MEMO1: variants seen among roughly 807,000 people sequenced by gnomAD.
MEMO1 encodes mediator of cell motility 1.
Under a neutral mutation model 45.2 loss-of-function variants are expected in MEMO1, and 6 were observed. The observed-to-expected ratio is 0.13, with a 90% CI of 0.07 to 0.26. MEMO1 has a LOEUF of 0.26. Ranked by LOEUF, MEMO1 falls within the 10% of genes least tolerant of loss-of-function variation. MEMO1 has a pLI of 1.00. For missense variants in MEMO1, 184 were observed against 370.5 expected (o/e 0.50, Z 4.13); for synonymous variants, 78 against 124.3 (o/e 0.63, Z 2.48).
At chr2:31,946,431 A>C (rs1388352745) in intron 2 of MEMO1, among the ~76,000 whole-genome samples, 1 of 152,242 alleles carries the variant, frequency 6.6e-6, no homozygotes. Context: ...GTTCATCTTA[A>C]AATTTGAATT....
intron 2 of MEMO1, among the ~76,000 whole-genome samples, chr2:32,003,934 T>C (rs1011466809): frequency 6.6e-6 from 1 of 152,150 alleles, no homozygotes; most frequent in African/African-American, 2.4e-5. Flanking sequence ...ACATCTGTAG[T>C]TAGCTACTCA....
At chr2:31,994,372 GTAATC>G (rs746936450) in intron 2 of MEMO1, among the ~76,000 whole-genome samples, 3 of 151,568 alleles carry the variant, frequency 2.0e-5, no homozygotes, top group Non-Finnish European at 4.4e-5. Context: ...GCTCACACCT[GTAATC>G]CCAGCACTTT....
At chr2:31,983,250 G>T (rs1386685706) in intron 2 of MEMO1, among the ~76,000 whole-genome samples, 1 of 152,020 alleles carries the variant, frequency 6.6e-6, no homozygotes, top group African/African-American at 2.4e-5. Flanking sequence ...AACAGAGCAA[G>T]ACTCTGCCTA....
chr2:31,996,692 AT>A (rs1246507191), intron 2 of MEMO1, among the ~76,000 whole-genome samples: 2 of 152,178 alleles, frequency 1.3e-5, no homozygotes, highest in Non-Finnish European at 2.9e-5. Context: ...ACTTAATCTA[AT>A]TAACATTTAT....
intron 2 of MEMO1, among the ~76,000 whole-genome samples, chr2:31,990,747 G>A (rs957338485): frequency 6.6e-6 from 1 of 151,752 alleles, no homozygotes; most frequent in Non-Finnish European, 1.5e-5. Context: ...TTTAGTTTCT[G>A]ATTTGATATC....
chr2:31,923,089 C>G (rs1430213568), intron 4 of MEMO1, among the ~76,000 whole-genome samples: 1 of 152,042 alleles, frequency 6.6e-6, no homozygotes, highest in Non-Finnish European at 1.5e-5. Flanking sequence ...ACACTCCTAC[C>G]AACAATGTAT....
intron 4 of MEMO1, among the ~76,000 whole-genome samples, chr2:31,925,336 C>T (rs1399607330): frequency 2.6e-5 from 4 of 151,804 alleles, no homozygotes; most frequent in African/African-American, 9.7e-5. Flanking sequence ...ATTAGCCAGG[C>T]GTGGTGGCAC....
At chr2:31,996,646 C>A (rs1343204953) in intron 2 of MEMO1, among the ~76,000 whole-genome samples, 1 of 152,126 alleles carries the variant, frequency 6.6e-6, no homozygotes, top group East Asian at 1.9e-4. Context: ...AAAAGAAAAT[C>A]AATAGGAATA....
At chr2:31,909,986 C>T (rs190134645) in intron 6 of MEMO1, among the ~76,000 whole-genome samples, 1 of 151,774 alleles carries the variant, frequency 6.6e-6, no homozygotes, top group Admixed American at 6.6e-5. Context: ...TGAAAGAAAC[C>T]AGAGGACAAA....
intron 4 of MEMO1, among the ~76,000 whole-genome samples, 192 bp from the exon 5 acceptor site, chr2:31,921,102 G>C (rs1682257329): frequency 6.6e-6 from 1 of 152,118 alleles, no homozygotes; most frequent in Non-Finnish European, 1.5e-5. Flanking sequence ...AGACTGTAGT[G>C]CTATTTAGAG....
intron 2 of MEMO1, among the ~76,000 whole-genome samples, chr2:31,952,855 A>T (rs1266261146): frequency 6.6e-6 from 1 of 152,198 alleles, no homozygotes; most frequent in Non-Finnish European, 1.5e-5. Context: ...ATGATATATA[A>T]TTCTGGAGCC....
intron 2 of MEMO1, among the ~76,000 whole-genome samples, chr2:31,963,668 A>G (rs1054992625): frequency 6.6e-6 from 1 of 152,196 alleles, no homozygotes. Flanking sequence ...ACCACTTTGC[A>G]AGCCCTAATA....
rs70964738 is a variant in MEMO1, at chr2:31,901,374, C to CAAAA, written c.438-9244_438-9241dup. Among the ~76,000 whole-genome samples the CAAAA allele has an allele frequency of 4.4e-4, 10 of 22,684 alleles. 1 individual carries two copies. The highest frequency in any genetic ancestry group is 9.1e-4 in the African/African-American group (7 of 7,654). 14.9% of individuals were successfully genotyped at this position (22,684 alleles called of 152,430 possible). On this transcript the variant is annotated intron_variant, in intron 6 of 9. Coordinates refer to ENST00000404530, the MANE Select transcript of MEMO1 (RefSeq NM_001301833.4). ...AGCGAAAGAGTGAGACTCTGTCTCA[C>CAAAA]AAAAAAAAAAAAAAAAAAAAAAAAA...
intron 4 of MEMO1, among the ~76,000 whole-genome samples, chr2:31,924,120 A>G (rs879449242): frequency 2.0e-5 from 3 of 152,204 alleles, no homozygotes; most frequent in Non-Finnish European, 4.4e-5. Flanking sequence ...TAAAAGCAAT[A>G]TATCTAAAAA....
At chr2:31,943,269 A>T in intron 3 of MEMO1, 33 bp downstream of exon 3, 1 of 1,559,328 alleles carries the variant, frequency 6.4e-7, no homozygotes, top group Non-Finnish European at 8.8e-7. Context: ...CTTCTCAAAA[A>T]ACAAAACAAA....
chr2:31,981,367 T>G (rs894782641), intron 2 of MEMO1, among the ~76,000 whole-genome samples: 1 of 152,210 alleles, frequency 6.6e-6, no homozygotes, highest in Non-Finnish European at 1.5e-5. Flanking sequence ...CTTCCCATAA[T>G]AAATCTCCAC....
intron 6 of MEMO1, among the ~76,000 whole-genome samples, chr2:31,915,098 C>T (rs962763803): frequency 5.9e-5 from 9 of 152,170 alleles, no homozygotes; most frequent in South Asian, 2.1e-4. Flanking sequence ...TGCCACTGCA[C>T]TCCAGCCTGG....
At chr2:31,986,404 G>A (rs1337995156) in intron 2 of MEMO1, among the ~76,000 whole-genome samples, 4 of 152,038 alleles carry the variant, frequency 2.6e-5, no homozygotes, top group Non-Finnish European at 4.4e-5. Context: ...CCCGGAAGGC[G>A]GAGCTTGCAG....
Position 31,907,820 on chromosome 2 carries a change from CAT to C in MEMO1, c.437+10104_437+10105del, listed in dbSNP as rs1398729491. ...ACACACACACACACACACACACACACATACACACAACTAGTACAACTAGCAAA... is the reference window on the plus strand; with the variant it reads ...ACACACACACACACACACACACACACACACACAACTAGTACAACTAGCAAA... On this transcript the variant is annotated intron_variant, in intron 6 of 9. Transcript: ENST00000404530. Among the ~76,000 whole-genome samples, 116 of 149,304 alleles carry C rather than the reference CAT, an allele frequency of 7.8e-4. 1 individual carries two copies. Among genetic ancestry groups the C allele is most frequent in the South Asian group, 7.2e-3 (34 of 4,742 alleles).
Sources: gnomAD v4.1 joint callset for allele counts (sites outside exome capture counted in the v4.1 genomes callset) on GRCh38, gnomAD v4.1.1 for gene constraint, MANE v1.5 for transcripts, NCBI Gene and HGNC (gene_info 2026-07-23, HGNC 2026-07-21) for gene names.